UQCRB: variants seen among roughly 807,000 people sequenced by gnomAD.
UQCRB encodes cytochrome b-c1 complex subunit 7.
Under a neutral mutation model 19.8 loss-of-function variants are expected in UQCRB, and 12 were observed. That is an observed-to-expected ratio of 0.61 (90% CI 0.39 to 0.98). The LOEUF is 0.98. UQCRB is among the 50% of genes least tolerant of loss of function. The pLI is 0.00. For missense variants in UQCRB, 142 were observed against 131.8 expected (o/e 1.08, Z -0.38); for synonymous variants, 39 against 42.9 (o/e 0.91, Z 0.35).
intron 1 of UQCRB, 50 bp from the exon 2 acceptor site, chr8:96,233,277 A>G (rs1343639362): frequency 6.4e-7 from 1 of 1,560,324 alleles, no homozygotes; most frequent in East Asian, 2.2e-5. Flanking sequence ...TACTATATGA[A>G]CACATTGATA....
At chr8:96,232,159 T>C (rs1809692978) in intron 2 of UQCRB, 2 of 562,434 alleles carry the variant, frequency 3.6e-6, no homozygotes, top group East Asian at 3.1e-5. Context: ...TTACTTGATA[T>C]AATGGGTTAC....
At position 96,230,662 on chromosome 8, in the gene UQCRB, C is replaced by G. The variant is rs7836716; in HGVS notation, c.*393G>C. 1 of 462,476 alleles carries G rather than the reference C, an allele frequency of 2.2e-6. No homozygotes were observed. Among genetic ancestry groups the G allele is most frequent in the Non-Finnish European group, 4.3e-6 (1 of 232,920 alleles). 28.6% of individuals were successfully genotyped at this position (462,476 alleles called of 1,614,324 possible). A position where few individuals can be genotyped will look rare whatever the true frequency, so the allele number is the denominator to read the frequency against. ...ATGCAAAATCAAATCTGTTTGCATACCAGTGAAGAGGCTATTTCTCAATCT... is the reference window on the plus strand; with the variant it reads ...ATGCAAAATCAAATCTGTTTGCATAGCAGTGAAGAGGCTATTTCTCAATCT... On this transcript the variant is annotated 3_prime_UTR_variant, in exon 4 of 4. Transcript: ENST00000287022.
At position 96,227,256 on chromosome 8, in the gene UQCRB, AT is replaced by A. The variant is rs758481179; in HGVS notation, c.*3798del. ...ATATTAGATTTCATTACATCAGTAT[AT>A]AGCTTAGTAGTAAATTCTCCTGATG... On this transcript the variant is annotated 3_prime_UTR_variant, in exon 4 of 4. Transcript: ENST00000287022. 76 of 454,096 alleles carry A rather than the reference AT, an allele frequency of 1.7e-4. No individual in the cohort carries two copies. The East Asian group carries it at 3.5e-3, about 21-fold the overall frequency. 28.1% of individuals were successfully genotyped at this position (454,096 alleles called of 1,614,324 possible).
At position 96,228,039 on chromosome 8, in the gene UQCRB, G is replaced by A. The variant is rs1297282119; in HGVS notation, c.*3016C>T. The A allele has an allele frequency of 4.4e-6, 2 of 454,050 alleles. No individual in the cohort carries two copies. The highest frequency in any genetic ancestry group is 4.7e-5 in the Admixed American group (2 of 42,564). 28.1% of individuals were successfully genotyped at this position (454,050 alleles called of 1,614,324 possible). On this transcript the variant is annotated 3_prime_UTR_variant, in exon 4 of 4. Coordinates refer to ENST00000287022, the MANE Select transcript of UQCRB (RefSeq NM_006294.5). ...ACAGCTGGCAATTGGGGGTCTGAAG[G>A]CCCGACATCCCTTACGCTGCTTCCT... is the stretch of plus-strand genomic sequence containing the variant.
Position 96,235,495 on chromosome 8 carries a change from G to A in UQCRB, c.19+17C>T, listed in dbSNP as rs1563540072. 6.2e-7 allele frequency: 1 copy of A among 1,614,062 alleles called. No homozygotes were observed. The highest frequency in any genetic ancestry group is 8.5e-7 in the Non-Finnish European group (1 of 1,180,036). ...GAAGCGCGACGATGCCGGCCAAGAA[G>A]ACCCCCAGTTACTTACCGGCCTGCT... On this transcript the variant is annotated intron_variant, in intron 1 of 3. Transcript: ENST00000287022.
Position 96,225,328 on chromosome 8 carries a change from T to C in UQCRB, c.*5727A>G, listed in dbSNP as rs759850119. Among the ~76,000 whole-genome samples the C allele has an allele frequency of 6.6e-6, 1 of 152,236 alleles. No homozygotes were observed. Among genetic ancestry groups the C allele is most frequent in the Non-Finnish European group, 1.5e-5 (1 of 68,040 alleles). The stretch of plus-strand genomic sequence containing the variant: ...TGAGAGCACTCAGTGCAGGCAGGAA[T>C]GCAATAAAGGGACCCTCGTGATTGC... On this transcript the variant is annotated 3_prime_UTR_variant, in exon 4 of 4. Transcript: ENST00000287022.
rs1264082220 is a variant in UQCRB at position 96,228,508 on chromosome 8, G to A, written c.*2547C>T. 8 of 453,974 alleles carry A rather than the reference G, an allele frequency of 1.8e-5. No homozygotes were observed. The Admixed American group carries it at 1.9e-4, about 11-fold the overall frequency. 28.1% of individuals were successfully genotyped at this position (453,974 alleles called of 1,614,324 possible). On this transcript the variant is annotated 3_prime_UTR_variant, in exon 4 of 4. Coordinates refer to ENST00000287022, the MANE Select transcript of UQCRB (RefSeq NM_006294.5). Reference sequence around the variant, plus strand: ...AGAGTGCCACATAGAAGGAAGAGAGGAGACCTTGGACCTTAGCTACTGGTT... The same window carrying A: ...AGAGTGCCACATAGAAGGAAGAGAGAAGACCTTGGACCTTAGCTACTGGTT...
intron 2 of UQCRB, 132 bp downstream of exon 2, chr8:96,233,024 G>C (rs1809711693): frequency 9.2e-6 from 7 of 763,164 alleles, no homozygotes. Context: ...AAAATCTTCT[G>C]ATGTATACAA....
chr8:96,230,766 TC>T lies in UQCRB; in HGVS notation c.*288del, dbSNP rs1809650836. On this transcript the variant is annotated 3_prime_UTR_variant, in exon 4 of 4. Transcript: ENST00000287022. The stretch of plus-strand genomic sequence containing the variant: ...ATGTAACTTACGGAAGTTATATCCT[TC>T]CATAAACTGATAGGCTATCCAACCA... 1 of 563,714 alleles carries T rather than the reference TC, an allele frequency of 1.8e-6. No individual in the cohort carries two copies. Among genetic ancestry groups the T allele is most frequent in the East Asian group, 4.3e-5 (1 of 23,370 alleles). 34.9% of individuals were successfully genotyped at this position (563,714 alleles called of 1,614,324 possible). A position where few individuals can be genotyped will look rare whatever the true frequency, so the allele number is the denominator to read the frequency against.
At chr8:96,233,375 G>T (rs973038728) in intron 1 of UQCRB, 148 bp from the exon 2 acceptor site, 3 of 631,370 alleles carry the variant, frequency 4.8e-6, no homozygotes, top group African/African-American at 3.7e-5. Context: ...TATACAGCAA[G>T]AATTTAATCA....
intron 3 of UQCRB, chr8:96,231,500 C>A: frequency 1.3e-6 from 2 of 1,533,544 alleles, no homozygotes; most frequent in Non-Finnish European, 1.7e-6. Context: ...GAGTGCAGAG[C>A]TGGAACAGCA....
chr8:96,232,192 CAA>C, intron 2 of UQCRB: 2 of 471,412 alleles, frequency 4.2e-6, no homozygotes, highest in South Asian at 5.0e-5. Context: ...ACTATGGAAA[CAA>C]TATATGAGCC....
rs1462983287 is a variant in UQCRB at position 96,226,724 on chromosome 8, C to T, written c.*4331G>A. 8.3e-6 allele frequency: 3 copies of T among 362,834 alleles called. No individual in the cohort carries two copies. Among genetic ancestry groups the T allele is most frequent in the Admixed American group, 4.1e-5 (1 of 24,338 alleles). The allele number at this position is 362,834 out of a possible 1,614,324, so 22.5% of individuals were successfully genotyped here. ...GGTTTATTTTAAAATTACATTTTTA[C>T]ATTTATGCAAAAATAGGCACATGTA... On this transcript the variant is annotated 3_prime_UTR_variant, in exon 4 of 4. Coordinates refer to ENST00000287022, the MANE Select transcript of UQCRB (RefSeq NM_006294.5).
Position 96,230,102 on chromosome 8 carries a change from GAC to G in UQCRB, c.*951_*952del, listed in dbSNP as rs752714217. 6 of 453,710 alleles carry G rather than the reference GAC, an allele frequency of 1.3e-5. No homozygotes were observed. Among genetic ancestry groups the G allele is most frequent in the South Asian group, 9.3e-5 (6 of 64,466 alleles). 28.1% of individuals were successfully genotyped at this position (453,710 alleles called of 1,614,324 possible). ...TGAATAATCCTAATTTTTTTTTTGA[GAC>G]AGTCAATGTCGCTCAGGCTGAAGTG... On this transcript the variant is annotated 3_prime_UTR_variant, in exon 4 of 4. Transcript: ENST00000287022.
At chr8:96,233,088 G>T in intron 2 of UQCRB, 68 bp downstream of exon 2, 1 of 1,512,758 alleles carries the variant, frequency 6.6e-7, no homozygotes, top group Non-Finnish European at 9.0e-7. Context: ...AATACTCTCA[G>T]AAAAACAAAA....
In UQCRB at chr8:96,226,918, G is replaced by A. The variant is rs1167491019; in HGVS notation, c.*4137C>T. 2.2e-6 allele frequency: 1 copy of A among 453,702 alleles called. No homozygotes were observed. Among genetic ancestry groups the A allele is most frequent in the Non-Finnish European group, 4.4e-6 (1 of 226,724 alleles). 28.1% of individuals were successfully genotyped at this position (453,702 alleles called of 1,614,324 possible). A position where few individuals can be genotyped will look rare whatever the true frequency, so the allele number is the denominator to read the frequency against. On this transcript the variant is annotated 3_prime_UTR_variant, in exon 4 of 4. Coordinates refer to ENST00000287022, the MANE Select transcript of UQCRB (RefSeq NM_006294.5). ...TATAATGATTCAGTTCTTCTTTCTT[G>A]CTCAATTGCTAATACAATAAAATTT...
intron 1 of UQCRB, 105 bp downstream of exon 1, chr8:96,235,407 G>A (rs1263866746): frequency 1.3e-6 from 2 of 1,525,180 alleles, no homozygotes; most frequent in African/African-American, 1.4e-5. Flanking sequence ...TCCCTTCCGC[G>A]ACAAACTTGG....
At chr8:96,233,473 A>G (rs948577253) in intron 1 of UQCRB, 3 of 468,722 alleles carry the variant, frequency 6.4e-6, no homozygotes, top group Non-Finnish European at 1.1e-5. Context: ...AAGTGGTTGC[A>G]GGAAAATGGT....
At chr8:96,233,622 A>G (rs1809727673) in intron 1 of UQCRB, 2 of 171,160 alleles carry the variant, frequency 1.2e-5, no homozygotes, top group Non-Finnish European at 2.5e-5. Flanking sequence ...GGAAATTTCC[A>G]TCATTTGTAG....
Sources: allele counts gnomAD v4.1 joint callset (sites outside exome capture counted in the v4.1 genomes callset), GRCh38; gene constraint gnomAD v4.1.1; transcripts MANE v1.5; gene names NCBI Gene and HGNC (gene_info 2026-07-23, HGNC 2026-07-21).